Variants in PRKCA observed in about 807,000 individuals in gnomAD.
PRKCA encodes protein kinase C alpha type.
A neutral mutation model predicts 87.0 loss-of-function variants in PRKCA; 27 were observed. The ratio of observed to expected loss-of-function variants is 0.31; its 90% CI spans 0.23 to 0.43. PRKCA has a LOEUF of 0.43. Among genes scored for constraint, PRKCA ranks in the 20% least tolerant of loss-of-function variants. PRKCA has a pLI of 1.00. For missense variants in PRKCA, 518 were observed against 852.3 expected (o/e 0.61, Z 4.88); for synonymous variants, 329 against 311.1 (o/e 1.06, Z -0.61).
intron 3 of PRKCA, among the ~76,000 whole-genome samples, chr17:66,519,530 T>C (rs77751424): frequency 0.035 from 5,372 of 152,272 alleles, 127 homozygotes; most frequent in Non-Finnish European, 0.051. Context: ...TTCCATAACC[T>C]TCCTGGCCCT....
intron 2 of PRKCA, among the ~76,000 whole-genome samples, chr17:66,405,446 C>T (rs990175262): frequency 3.9e-5 from 6 of 152,308 alleles, no homozygotes; most frequent in Admixed American, 6.5e-5. Flanking sequence ...CTCTCTGGAT[C>T]GGGTCCAGCC....
intron 2 of PRKCA, among the ~76,000 whole-genome samples, chr17:66,391,858 C>T (rs1001906607): frequency 1.4e-4 from 21 of 152,140 alleles, no homozygotes; most frequent in Non-Finnish European, 2.1e-4. Flanking sequence ...GACACAGCCT[C>T]CTCTTGCGCT....
intron 3 of PRKCA, among the ~76,000 whole-genome samples, chr17:66,558,589 C>G (rs1180039911): frequency 6.6e-6 from 1 of 152,142 alleles, no homozygotes; most frequent in Admixed American, 6.5e-5. Flanking sequence ...GAATCTGATT[C>G]TCATCCAGCT....
intron 14 of PRKCA, chr17:66,775,233 C>A: frequency 1.4e-5 from 14 of 984,408 alleles, no homozygotes; most frequent in African/African-American, 1.7e-5. Context: ...GGGCACTGAC[C>A]CACAGGTTCA....
At chr17:66,640,446 C>T (rs1971259399) in intron 3 of PRKCA, among the ~76,000 whole-genome samples, 1 of 152,158 alleles carries the variant, frequency 6.6e-6, no homozygotes, top group Non-Finnish European at 1.5e-5. Context: ...TTGCAGTGGG[C>T]TATGGGGAGG....
intron 3 of PRKCA, among the ~76,000 whole-genome samples, chr17:66,617,594 A>G (rs892938520): frequency 6.6e-6 from 1 of 152,132 alleles, no homozygotes; most frequent in African/African-American, 2.4e-5. Flanking sequence ...CACCTGCCAA[A>G]CCCAGATCCA....
At chr17:66,494,642 T>C (rs888668049) in intron 2 of PRKCA, among the ~76,000 whole-genome samples, 1 of 152,214 alleles carries the variant, frequency 6.6e-6, no homozygotes, top group South Asian at 2.1e-4. Flanking sequence ...TAAAGACTTA[T>C]GACTAACCTA....
At chr17:66,390,973 C>T (rs1910328027) in intron 2 of PRKCA, among the ~76,000 whole-genome samples, 2 of 151,194 alleles carry the variant, frequency 1.3e-5, no homozygotes, top group Admixed American at 1.3e-4. Flanking sequence ...AAATCAGACC[C>T]TCCTGAAGAC....
At chr17:66,699,078 A>ACT (rs759579929) in intron 8 of PRKCA, among the ~76,000 whole-genome samples, 9,559 of 152,028 alleles carry the variant, frequency 0.063, 353 homozygotes, top group East Asian at 0.17. Flanking sequence ...ATGTGCCTGT[A>ACT]GTCCCAGCTA....
intron 3 of PRKCA, among the ~76,000 whole-genome samples, chr17:66,577,238 G>C (rs1969267046): frequency 6.6e-6 from 1 of 152,292 alleles, no homozygotes; most frequent in South Asian, 2.1e-4. Flanking sequence ...TTGTGGGCTA[G>C]GGAGCATCCA....
intron 3 of PRKCA, among the ~76,000 whole-genome samples, chr17:66,631,039 A>C (rs1261665048): frequency 6.6e-6 from 1 of 152,154 alleles, no homozygotes; most frequent in Admixed American, 6.5e-5. Context: ...CAGGAGATAT[A>C]TGAGCCGTTG....
intron 8 of PRKCA, among the ~76,000 whole-genome samples, chr17:66,709,560 C>G (rs1305833603): frequency 6.6e-6 from 1 of 152,074 alleles, no homozygotes; most frequent in Non-Finnish European, 1.5e-5. Flanking sequence ...CCACCCACCT[C>G]AGCCTCCCAA....
intron 2 of PRKCA, among the ~76,000 whole-genome samples, chr17:66,483,074 A>G (rs1326502701): frequency 6.6e-6 from 1 of 152,222 alleles, no homozygotes; most frequent in Non-Finnish European, 1.5e-5. Flanking sequence ...CTGTCGGGGA[A>G]GAATGCCTTG....
At chr17:66,778,784 G>A (rs908943027) in intron 14 of PRKCA, among the ~76,000 whole-genome samples, 11 of 150,518 alleles carry the variant, frequency 7.3e-5, no homozygotes, top group Admixed American at 6.0e-4. Flanking sequence ...AAGGCTAGCA[G>A]TGAGCTGTGA....
At chr17:66,389,253 A>G (rs1041301971) in intron 2 of PRKCA, among the ~76,000 whole-genome samples, 2 of 152,186 alleles carry the variant, frequency 1.3e-5, no homozygotes, top group African/African-American at 4.8e-5. Flanking sequence ...TTTCACTTTA[A>G]TACAGAAAGG....
At chr17:66,327,444 G>A (rs1906050201) in intron 2 of PRKCA, among the ~76,000 whole-genome samples, 1 of 151,800 alleles carries the variant, frequency 6.6e-6, no homozygotes, top group African/African-American at 2.4e-5. Flanking sequence ...ACTGAGGCAC[G>A]AGAATCACTG....
chr17:66,463,387 T>G (rs868125097), intron 2 of PRKCA, among the ~76,000 whole-genome samples: 9,650 of 151,852 alleles, frequency 0.064, 1,014 homozygotes, highest in African/African-American at 0.22. Flanking sequence ...TCTGTGTTTT[T>G]TTTTTTTTAA....
chr17:66,396,380 G>A (rs376346257), intron 2 of PRKCA, among the ~76,000 whole-genome samples: 18 of 152,184 alleles, frequency 1.2e-4, no homozygotes, highest in African/African-American at 3.6e-4. Flanking sequence ...TTTCCTTCAC[G>A]TGTAAAAGTC....
chr17:66,520,167 C>T (rs1967110942), intron 3 of PRKCA, among the ~76,000 whole-genome samples: 1 of 150,700 alleles, frequency 6.6e-6, no homozygotes, highest in Non-Finnish European at 1.5e-5. Flanking sequence ...TGCTCTGTCA[C>T]CCAGGCTGGA....
Sources: allele counts gnomAD v4.1 joint callset (sites outside exome capture counted in the v4.1 genomes callset), GRCh38; gene constraint gnomAD v4.1.1; transcripts MANE v1.5; gene names NCBI Gene and HGNC (gene_info 2026-07-23, HGNC 2026-07-21).